AKIRIN1: variants seen among roughly 807,000 people sequenced by gnomAD.
AKIRIN1 encodes the protein akirin 1.
A neutral mutation model predicts 25.9 loss-of-function variants in AKIRIN1; 4 were observed. The ratio of observed to expected loss-of-function variants is 0.15; its 90% CI spans 0.08 to 0.35. AKIRIN1 has a LOEUF of 0.35. Among genes scored for constraint, AKIRIN1 ranks in the 10% least tolerant of loss-of-function variants. AKIRIN1 has a pLI of 1.00. For synonymous variants in AKIRIN1, 125 were observed against 105.1 expected (o/e 1.19, Z -1.16); for missense variants, 243 against 266.1 (o/e 0.91, Z 0.61).
chr1:38,991,357 C>T lies in AKIRIN1; in HGVS notation c.-24C>T. 7.5e-7 allele frequency: 1 copy of T among 1,339,436 alleles called. No homozygotes were observed. Among genetic ancestry groups the T allele is most frequent in the Non-Finnish European group, 9.5e-7 (1 of 1,047,732 alleles). The allele number at this position is 1,339,436 out of a possible 1,614,324, so 83.0% of individuals were successfully genotyped here. A position where few individuals can be genotyped will look rare whatever the true frequency, so the allele number is the denominator to read the frequency against. ...GGCCGCACTTACCGCCGCGTCCGCT[C>T]CCGGTCCCTGGCCCCTCAGCGGCAT... On this transcript the variant is annotated 5_prime_UTR_variant, in exon 1 of 5. Coordinates refer to ENST00000432648, the MANE Select transcript of AKIRIN1 (RefSeq NM_024595.3).
chr1:39,003,992 C>G, intron 4 of AKIRIN1, 53 bp from the exon 5 acceptor site: 1 of 1,516,964 alleles, frequency 6.6e-7, no homozygotes, highest in Admixed American at 1.7e-5. Flanking sequence ...TAAAGCATGA[C>G]ACTACAGTTT....
Position 39,005,323 on chromosome 1 carries a change from A to AGC in AKIRIN1, c.*1268_*1269insGC, listed in dbSNP as rs148712732. ...ACTTCGTCTCAAAAAAAAAAAAAAA[A>AGC]CATAGAATTTGGATCCTTTGGTCGG... On this transcript the variant is annotated 3_prime_UTR_variant, in exon 5 of 5. Coordinates refer to ENST00000432648, the MANE Select transcript of AKIRIN1 (RefSeq NM_024595.3). 5 of 147,882 alleles carry AGC rather than the reference A, an allele frequency of 3.4e-5. No individual in the cohort carries two copies. Among genetic ancestry groups the AGC allele is most frequent in the African/African-American group, 1.2e-4 (5 of 40,550 alleles). The allele number at this position is 147,882 out of a possible 1,614,324, so 9.2% of individuals were successfully genotyped here.
rs542594873 is a variant in AKIRIN1, at chr1:38,993,845, C to T, written c.220+2245C>T. On this transcript the variant is annotated intron_variant, in intron 1 of 4. Coordinates refer to ENST00000432648, the MANE Select transcript of AKIRIN1 (RefSeq NM_024595.3). ...CAGCACTTTGGGAGGCGGAGGCGGGCGGATCACCTGAGGTCGGGAGTTCAA... is the reference window on the plus strand; with the variant it reads ...CAGCACTTTGGGAGGCGGAGGCGGGTGGATCACCTGAGGTCGGGAGTTCAA... 8.6e-5 allele frequency among the ~76,000 whole-genome samples: 13 copies of T among 151,924 alleles called. No homozygotes were observed. In the East Asian group the frequency reaches 1.2e-3, roughly 14 times the overall value.
At chr1:39,001,370 T>C (rs1367583918) in intron 3 of AKIRIN1, among the ~76,000 whole-genome samples, 3 of 151,156 alleles carry the variant, frequency 2.0e-5, no homozygotes, top group Non-Finnish European at 4.4e-5. Context: ...TTCTAACGAT[T>C]CTCCTGCCTC....
Position 39,000,961 on chromosome 1 carries a change from C to G in AKIRIN1, c.362-11C>G, listed in dbSNP as rs763400550. 7.5e-6 allele frequency: 12 copies of G among 1,603,046 alleles called. No individual in the cohort carries two copies. The Middle Eastern group carries it at 1.5e-3, about 201-fold the overall frequency. ...CGCACCTGGCCCAAACTCACTTTTT[C>G]TTTTGGCCAGGTTCCTCATGGATGA... On this transcript the variant is annotated splice_polypyrimidine_tract_variant and intron_variant, in intron 2 of 4. Coordinates refer to ENST00000432648, the MANE Select transcript of AKIRIN1 (RefSeq NM_024595.3).
intron 4 of AKIRIN1, 128 bp downstream of exon 4, chr1:39,003,546 T>A: frequency 1.2e-6 from 1 of 806,866 alleles, no homozygotes; most frequent in Non-Finnish European, 2.0e-6. Flanking sequence ...CTAAGAGTAT[T>A]AAATCCACAC....
At chr1:38,993,992 C>T (rs1472978892) in intron 1 of AKIRIN1, among the ~76,000 whole-genome samples, 1 of 151,504 alleles carries the variant, frequency 6.6e-6, no homozygotes, top group Non-Finnish European at 1.5e-5. Flanking sequence ...ATCGCTTGAA[C>T]CTGGGAGGCG....
intron 1 of AKIRIN1, among the ~76,000 whole-genome samples, chr1:38,992,506 C>T (rs1643914019): frequency 6.6e-6 from 1 of 152,158 alleles, no homozygotes; most frequent in African/African-American, 2.4e-5. Context: ...AAACCTTAGG[C>T]TCACCGTAAA....
chr1:38,996,891 C>A (rs1355417277), intron 1 of AKIRIN1, among the ~76,000 whole-genome samples: 1 of 152,216 alleles, frequency 6.6e-6, no homozygotes, highest in Non-Finnish European at 1.5e-5. Context: ...AAGTTAGGGA[C>A]TTTGACTATG....
At chr1:38,997,969 T>C (rs1051504896) in intron 1 of AKIRIN1, among the ~76,000 whole-genome samples, 4 of 152,166 alleles carry the variant, frequency 2.6e-5, no homozygotes, top group East Asian at 1.9e-4. Flanking sequence ...AAGAACATAC[T>C]GTCTTTGAAG....
intron 2 of AKIRIN1, among the ~76,000 whole-genome samples, chr1:38,999,038 G>A (rs1643969091): frequency 6.6e-6 from 1 of 152,182 alleles, no homozygotes; most frequent in Admixed American, 6.6e-5. Flanking sequence ...TTGACAAATG[G>A]TCAAAGAGGA....
At chr1:38,994,680 T>A (rs896209863) in intron 1 of AKIRIN1, among the ~76,000 whole-genome samples, 4 of 47,016 alleles carry the variant, frequency 8.5e-5, no homozygotes, top group East Asian at 3.7e-4. Context: ...TAATTTTTTT[T>A]TTTTTTTTTT....
intron 1 of AKIRIN1, among the ~76,000 whole-genome samples, chr1:38,991,890 T>A (rs1001712763): frequency 1.7e-4 from 26 of 151,952 alleles, no homozygotes; most frequent in Non-Finnish European, 3.1e-4. Flanking sequence ...GGGCCCTCCC[T>A]GTCGCTGAAG....
chr1:39,002,616 G>A (rs1023736813), intron 3 of AKIRIN1, among the ~76,000 whole-genome samples: 1 of 152,114 alleles, frequency 6.6e-6, no homozygotes, highest in Non-Finnish European at 1.5e-5. Context: ...TGTAGTCCCA[G>A]CTACTCGGGA....
At chr1:38,997,884 A>C (rs993386132) in intron 1 of AKIRIN1, among the ~76,000 whole-genome samples, 1 of 144,760 alleles carries the variant, frequency 6.9e-6, no homozygotes, top group Non-Finnish European at 1.5e-5. Context: ...TGCCACAGGA[A>C]AACAAGTAAA....
At chr1:38,996,222 G>A (rs1570972351) in intron 1 of AKIRIN1, among the ~76,000 whole-genome samples, 1 of 151,886 alleles carries the variant, frequency 6.6e-6, no homozygotes, top group African/African-American at 2.4e-5. Flanking sequence ...AGCCTCCCAA[G>A]TAGCTGGGAT....
intron 4 of AKIRIN1, 24 bp from the exon 5 acceptor site, chr1:39,004,021 T>G: frequency 1.9e-6 from 3 of 1,601,080 alleles, no homozygotes; most frequent in Non-Finnish European, 2.6e-6. Context: ...CTTACCCTTT[T>G]TGTTTTTTAT....
Position 38,998,274 on chromosome 1 carries a change from A to C in AKIRIN1, c.324A>C (p.Gln108His), listed in dbSNP as rs769483443. ...NQSEACASES[Q>H]PHSSALTAPS... The stretch of plus-strand genomic sequence containing the variant: ...GTGAAGCTTGTGCTTCGGAAAGTCA[A>C]CCTCACTCCTCAGCACTCACAGCAC... Residue 108 changes from glutamine (Q) to histidine (H), a missense_variant, in exon 2 of 5, where the codon CAA becomes CAC. Physicochemically the swap from Gln to His is conservative, Grantham distance 24 (BLOSUM62 0). Coordinates refer to ENST00000432648, the MANE Select transcript of AKIRIN1 (RefSeq NM_024595.3). The C allele has an allele frequency of 3.1e-6, 5 of 1,613,826 alleles. No individual in the cohort carries two copies. The highest frequency in any genetic ancestry group is 4.2e-6 in the Non-Finnish European group (5 of 1,179,872).
intron 2 of AKIRIN1, among the ~76,000 whole-genome samples, chr1:38,999,861 TTTTTTTGTTTTTG>T (rs1208624995): frequency 1.5e-5 from 2 of 131,176 alleles, no homozygotes; most frequent in African/African-American, 2.7e-5. Flanking sequence ...TTTTGTTTTG[TTTTTTTGTTTTTG>T]TTTTTTGTTT....
Sources: gnomAD v4.1 joint callset for allele counts (sites outside exome capture counted in the v4.1 genomes callset) on GRCh38, gnomAD v4.1.1 for gene constraint, MANE v1.5 for transcripts, NCBI Gene and HGNC (gene_info 2026-07-23, HGNC 2026-07-21) for gene names.